The following STX8 variants were observed in gnomAD, a reference collection of about 807,000 sequenced individuals.
STX8 encodes syntaxin-8.
In STX8, 23 loss-of-function variants were observed where a neutral mutation model predicts 37.5. The ratio of observed to expected loss-of-function variants is 0.61; its 90% confidence interval spans 0.44 to 0.87. The LOEUF (loss-of-function observed/expected upper bound fraction) is 0.87, where lower values mean the gene tolerates loss of function less well. Ranked by LOEUF, STX8 falls within the 40% of genes least tolerant of loss-of-function variation. STX8 has a pLI of 0.00. For missense variants in STX8, 313 were observed against 284.7 expected (o/e 1.10, Z -0.71); for synonymous variants, 115 against 99.1 (o/e 1.16, Z -0.95).
At chr17:9,269,118 C>T (rs957766859) in intron 7 of STX8, among the ~76,000 whole-genome samples, 4 of 150,372 alleles carry the variant, frequency 2.7e-5, no homozygotes, top group Non-Finnish European at 4.4e-5. Flanking sequence ...ACCCGGGAGG[C>T]AGAGCTTGCA....
chr17:9,319,907 G>A lies in STX8; in HGVS notation c.643+58645C>T, dbSNP rs115263100. 3.7e-3 allele frequency among the ~76,000 whole-genome samples: 557 copies of A among 152,026 alleles called. 6 individuals are homozygous for A. The highest frequency in any genetic ancestry group is 0.013 in the African/African-American group (539 of 41,420). On this transcript the variant is annotated intron_variant, in intron 7 of 7. Transcript: ENST00000306357. ...CAGAGGTTGCAGGAGCTGAGATCTTGCCATTGCACTCTAGCCTGGGCAACA... is the reference window on the plus strand; with the variant it reads ...CAGAGGTTGCAGGAGCTGAGATCTTACCATTGCACTCTAGCCTGGGCAACA...
intron 4 of STX8, among the ~76,000 whole-genome samples, chr17:9,538,675 C>T (rs1406414459): frequency 6.6e-6 from 1 of 152,158 alleles, no homozygotes; most frequent in Non-Finnish European, 1.5e-5. Context: ...AATTGGTCTG[C>T]TTGTTAATAT....
intron 7 of STX8, among the ~76,000 whole-genome samples, chr17:9,322,601 G>A (rs1909611847): frequency 6.6e-6 from 1 of 152,092 alleles, no homozygotes; most frequent in South Asian, 2.1e-4. Flanking sequence ...GTCACCCTTG[G>A]AGACTGCTAT....
chr17:9,519,809 C>T (rs904438988), intron 4 of STX8, among the ~76,000 whole-genome samples: 1 of 150,628 alleles, frequency 6.6e-6, no homozygotes, highest in African/African-American at 2.5e-5. Context: ...CCCACCCCCA[C>T]CCCCTTTGTC....
intron 7 of STX8, among the ~76,000 whole-genome samples, chr17:9,286,788 T>C (rs986835737): frequency 3.3e-5 from 5 of 150,916 alleles, no homozygotes; most frequent in Non-Finnish European, 5.9e-5. Flanking sequence ...GGTAAAGGAA[T>C]CCCTGCAAAA....
At chr17:9,574,045 C>T (rs183694738) in intron 1 of STX8, among the ~76,000 whole-genome samples, 5 of 152,080 alleles carry the variant, frequency 3.3e-5, no homozygotes, top group Non-Finnish European at 5.9e-5. Context: ...CCAAGGCGGG[C>T]AGATTGCCTG....
intron 3 of STX8, among the ~76,000 whole-genome samples, chr17:9,552,622 ATAGAG>A (rs759966039): frequency 3.9e-4 from 59 of 151,968 alleles, no homozygotes; most frequent in African/African-American, 5.8e-4. Context: ...TTTCCAAAAA[ATAGAG>A]TAGAGAAAAT....
At chr17:9,453,594 G>C (rs1905107322) in intron 6 of STX8, among the ~76,000 whole-genome samples, 1 of 149,230 alleles carries the variant, frequency 6.7e-6, no homozygotes, top group African/African-American at 2.5e-5. Context: ...CCGGGTTCAA[G>C]CGATTCTCCT....
At chr17:9,253,207 GGTGTGTGTGTGTGTGTGT>G (rs36048368) in intron 7 of STX8, among the ~76,000 whole-genome samples, 1 of 140,940 alleles carries the variant, frequency 7.1e-6, no homozygotes, top group Admixed American at 7.1e-5. Flanking sequence ...CAGGGGTAGG[GGTGTGTGTGTGTGTGTGT>G]GTGTGTGTGT....
intron 7 of STX8, among the ~76,000 whole-genome samples, chr17:9,338,405 C>T (rs1378118188): frequency 1.3e-5 from 2 of 152,158 alleles, no homozygotes; most frequent in African/African-American, 4.8e-5. Context: ...CCCCTGAAGA[C>T]ACATGGTGCT....
chr17:9,496,651 C>G (rs2095713510), intron 5 of STX8, among the ~76,000 whole-genome samples: 1 of 152,144 alleles, frequency 6.6e-6, no homozygotes, highest in Admixed American at 6.6e-5. Context: ...AGGGACTTTG[C>G]AGATGTGATT....
Position 9,316,486 on chromosome 17 carries a change from T to C in STX8, c.643+62066A>G, listed in dbSNP as rs1257143955. On this transcript the variant is annotated intron_variant, in intron 7 of 7. Coordinates refer to ENST00000306357, the MANE Select transcript of STX8 (RefSeq NM_004853.3). ...AATTTAATCTACCATGTTTATGTAATGAAGCCTCCACAAAAACCCAAAAGT... is the reference window on the plus strand; with the variant it reads ...AATTTAATCTACCATGTTTATGTAACGAAGCCTCCACAAAAACCCAAAAGT... 1.2e-4 allele frequency among the ~76,000 whole-genome samples: 18 copies of C among 152,286 alleles called. No individual in the cohort carries two copies. The East Asian group carries it at 3.3e-3, about 28-fold the overall frequency.
At position 9,429,749 on chromosome 17, in the gene STX8, T is replaced by TAAC. The variant is rs1205969231; in HGVS notation, c.542-51097_542-51096insGTT. On this transcript the variant is annotated intron_variant, in intron 6 of 7. Transcript: ENST00000306357. ...TTTATATTATATTATATATTATATA[T>TAAC]ATTATATTTTATATATTATATATAA... is the stretch of plus-strand genomic sequence containing the variant. Among the ~76,000 whole-genome samples, 178 of 45,456 alleles carry TAAC rather than the reference T, an allele frequency of 3.9e-3. 35 individuals carry two copies. Among genetic ancestry groups the TAAC allele is most frequent in the Non-Finnish European group, 3.9e-3 (108 of 27,918 alleles). The allele number at this position is 45,456 out of a possible 152,430, so 29.8% of individuals were successfully genotyped here. A position where few individuals can be genotyped will look rare whatever the true frequency, so the allele number is the denominator to read the frequency against.
At chr17:9,468,749 A>G (rs1277391969) in intron 6 of STX8, among the ~76,000 whole-genome samples, 1 of 152,112 alleles carries the variant, frequency 6.6e-6, no homozygotes. Context: ...TCCCCATCCA[A>G]TGACTGATCA....
chr17:9,320,525 C>A (rs970760644), intron 7 of STX8, among the ~76,000 whole-genome samples: 1 of 151,938 alleles, frequency 6.6e-6, no homozygotes, highest in South Asian at 2.1e-4. Context: ...GTATAATATT[C>A]ATATACACAT....
intron 6 of STX8, among the ~76,000 whole-genome samples, chr17:9,428,542 G>A (rs1385360698): frequency 6.6e-6 from 1 of 152,080 alleles, no homozygotes; most frequent in Non-Finnish European, 1.5e-5. Context: ...GTCCGGCAAA[G>A]AAATGATTCT....
chr17:9,289,510 CA>C (rs1166252182), intron 7 of STX8, among the ~76,000 whole-genome samples: 2 of 139,866 alleles, frequency 1.4e-5, no homozygotes, highest in Non-Finnish European at 3.1e-5. Flanking sequence ...ACGATACCCA[CA>C]AATTTTTTTT....
At chr17:9,276,959 G>A (rs752229727) in intron 7 of STX8, among the ~76,000 whole-genome samples, 5 of 151,558 alleles carry the variant, frequency 3.3e-5, no homozygotes, top group Non-Finnish European at 7.4e-5. Context: ...TTAAAGAGAC[G>A]AGATCTTGCT....
intron 6 of STX8, among the ~76,000 whole-genome samples, chr17:9,454,476 A>G (rs1905131038): frequency 6.6e-6 from 1 of 152,048 alleles, no homozygotes; most frequent in Non-Finnish European, 1.5e-5. Context: ...CAGGAGATCG[A>G]GACCATCCTG....
Sources: allele counts gnomAD v4.1 joint callset (sites outside exome capture counted in the v4.1 genomes callset), GRCh38; gene constraint gnomAD v4.1.1; transcripts MANE v1.5; gene names NCBI Gene and HGNC (gene_info 2026-07-23, HGNC 2026-07-21).